The following NPC1L1 variants were observed in gnomAD, a reference collection of about 807,000 sequenced individuals.
NPC1L1 encodes the protein NPC1 like intracellular cholesterol transporter 1, also known as NPC1-like intracellular cholesterol transporter 1.
NPC1L1 carries 98 observed loss-of-function variants against 117.0 expected under a neutral mutation model. That is an observed-to-expected ratio of 0.84 (90% CI 0.71 to 0.99). The LOEUF (loss-of-function observed/expected upper bound fraction) is 0.99, where lower values mean the gene tolerates loss of function less well. Ranked by LOEUF, NPC1L1 falls within the 50% of genes least tolerant of loss-of-function variation. The pLI is 0.00. For missense variants in NPC1L1, 1,540 were observed against 1,710.0 expected (o/e 0.90, Z 1.75); for synonymous variants, 729 against 727.6 (o/e 1.00, Z -0.03).
chr7:44,520,196 C>T (rs1320475285), intron 14 of NPC1L1, among the ~76,000 whole-genome samples: 1 of 152,044 alleles, frequency 6.6e-6, no homozygotes, highest in Non-Finnish European at 1.5e-5. Flanking sequence ...AGGAGAATCG[C>T]TTGAACCCGG....
intron 8 of NPC1L1, 123 bp downstream of exon 8, chr7:44,533,308 C>T: frequency 3.4e-6 from 4 of 1,183,576 alleles, no homozygotes; most frequent in East Asian, 2.5e-5. Flanking sequence ...ACTCTCCTGG[C>T]ACAATGCCCC....
intron 12 of NPC1L1, 90 bp from the exon 13 acceptor site, chr7:44,521,208 G>A (rs1801343695): frequency 1.3e-6 from 2 of 1,571,842 alleles, no homozygotes; most frequent in Non-Finnish European, 1.7e-6. Context: ...CCCATCAAAG[G>A]TCCTGGGCAC....
At position 44,533,565 on chromosome 7, in the gene NPC1L1, G is replaced by A; in HGVS notation, c.2282-7C>T. The A allele has an allele frequency of 6.2e-7, 1 of 1,614,162 alleles. No individual in the cohort carries two copies. The highest frequency in any genetic ancestry group is 8.5e-7 in the Non-Finnish European group (1 of 1,180,024). On this transcript the variant is annotated splice_region_variant and splice_polypyrimidine_tract_variant and intron_variant, in intron 7 of 18. Transcript: ENST00000381160. Reference sequence around the variant, plus strand: ...GGCATGGGGGTCAGGGCCCCTGTGAGGGAGCAGAGGGCTGTCAGGGCACCC... The same window carrying A: ...GGCATGGGGGTCAGGGCCCCTGTGAAGGAGCAGAGGGCTGTCAGGGCACCC...
intron 6 of NPC1L1, 143 bp from the exon 7 acceptor site, chr7:44,533,996 T>C: frequency 1.4e-6 from 1 of 707,792 alleles, no homozygotes; most frequent in Non-Finnish European, 2.5e-6. Context: ...GAGACTCTCA[T>C]ACTCTCCATG....
In NPC1L1 at chr7:44,520,924, T is replaced by G; in HGVS notation, c.3080+68A>C. 3.7e-6 allele frequency: 6 copies of G among 1,613,662 alleles called. No homozygotes were observed. The South Asian group carries it at 6.6e-5, about 18-fold the overall frequency. The stretch of plus-strand genomic sequence containing the variant: ...GCCCCTGATAGCCTCCTCCTGCCTC[T>G]CTATATTCAACCCCATCCTGTGTCC... On this transcript the variant is annotated intron_variant, in intron 13 of 18. Transcript: ENST00000381160.
Position 44,520,812 on chromosome 7 carries a change from G to A in NPC1L1, c.3089C>T (p.Ala1030Val). The change falls in exon 14 of 19, where the codon GCA (alanine) becomes GTA (valine). Residue 1030 changes from alanine (A) to valine (V), a missense_variant. This residue lies in a region of NPC1L1 where 742 missense variants were observed against 873.6 expected (regional missense o/e 0.85). Coordinates refer to ENST00000381160, the MANE Select transcript of NPC1L1 (RefSeq NM_001101648.2). ...CAAGTTCACAGAGGTGCTGTATGCT[G>A]CCAGGCCGCTGCAAGAAGGTCAGGG... ...PNIKCPKGGL[A>V]AYSTSVNLTS... The A allele has an allele frequency of 6.2e-7, 1 of 1,614,092 alleles. No homozygotes were observed. Among genetic ancestry groups the A allele is most frequent in the Non-Finnish European group, 8.5e-7 (1 of 1,179,980 alleles).
chr7:44,521,026 G>A lies in NPC1L1; in HGVS notation c.3046C>T (p.Leu1016=). 6.2e-7 allele frequency: 1 copy of A among 1,614,144 alleles called. No individual in the cohort carries two copies. Among genetic ancestry groups the A allele is most frequent in the Non-Finnish European group, 8.5e-7 (1 of 1,180,038 alleles). Residue 1016 remains leucine (L), a synonymous_variant, in exon 13 of 19, where the codon CTG becomes TTG. Transcript: ENST00000381160. ...EQFHKYLPWF[L]NDRPNIKCPK... is the part of the protein sequence containing the mutation. The stretch of plus-strand genomic sequence containing the variant: ...CATTTGATGTTGGGCCGGTCGTTCA[G>A]GAACCAGGGAAGATACTTATGGAAC...
At chr7:44,517,156 C>T (rs748426241) in intron 15 of NPC1L1, 51 bp downstream of exon 15, 4 of 1,612,668 alleles carry the variant, frequency 2.5e-6, no homozygotes, top group Non-Finnish European at 3.4e-6. Flanking sequence ...AACCTCCAGT[C>T]TCCAGCAACC....
rs1014623284 is a variant in NPC1L1, at chr7:44,513,644, C to T, written c.3802G>A (p.Asp1268Asn). Residue 1268 changes from aspartate to asparagine, a missense_variant, in exon 19 of 19, where the codon GAC (aspartate) becomes AAC (asparagine). Physicochemically the swap from Asp to Asn is conservative, Grantham distance 23. Transcript: ENST00000381160. ...TCCAGTGCCAGAGCCGGGTTAACGT[C>T]AGGCCCTGCGGAGAGACAGAGAACC... Reference protein sequence around the residue: ...LPVILSYVGPDVNPALALEQK... With the variant: ...LPVILSYVGPNVNPALALEQK... The T allele has an allele frequency of 1.9e-6, 3 of 1,612,448 alleles. No homozygotes were observed. The highest frequency in any genetic ancestry group is 2.5e-6 in the Non-Finnish European group (3 of 1,180,022).
chr7:44,521,851 G>T lies in NPC1L1; in HGVS notation c.2829-15C>A. The T allele has an allele frequency of 6.2e-7, 1 of 1,614,014 alleles. No homozygotes were observed. The highest frequency in any genetic ancestry group is 8.5e-7 in the Non-Finnish European group (1 of 1,179,984). On this transcript the variant is annotated splice_polypyrimidine_tract_variant and intron_variant, in intron 11 of 18. Transcript: ENST00000381160. ...CCAGGTAAGACCTAAGGGGCAGGTG[G>T]GAGGAAGGGTGAAAAGGCCAGCTGG...
chr7:44,539,487 CCA>C lies in NPC1L1; in HGVS notation c.908_909del (p.Val303GlyfsTer24). On this transcript the variant is annotated frameshift_variant, in exon 2 of 19. Transcript: ENST00000381160. LOFTEE classifies it high-confidence loss of function. The surrounding 1 kb of genome is among the most constrained non-coding windows in gnomAD (Gnocchi z 4.4). ...SVFAVVTILL[V>X]GFRVAPARDK... The stretch of plus-strand genomic sequence containing the variant: ...TCCCTGGCGGGGGCCACACGGAATC[CCA>C]CAAGCAGGATGGTGACCACAGCGAA... 6.2e-7 allele frequency: 1 copy of C among 1,613,824 alleles called. No individual in the cohort carries two copies. Among genetic ancestry groups the C allele is most frequent in the Non-Finnish European group, 8.5e-7 (1 of 1,179,844 alleles).
chr7:44,522,646 A>T (rs1801397716), intron 10 of NPC1L1, among the ~76,000 whole-genome samples: 1 of 152,174 alleles, frequency 6.6e-6, no homozygotes, highest in Non-Finnish European at 1.5e-5. Flanking sequence ...ACACAGTTTT[A>T]GGTGTACCCC....
Position 44,538,284 on chromosome 7 carries a change from G to T in NPC1L1, c.1580+533C>A, listed in dbSNP as rs374978765. On this transcript the variant is annotated intron_variant, in intron 2 of 18. Transcript: ENST00000381160. This position sits in a 1 kb window ranked among gnomAD's most constrained non-coding sequence, Gnocchi z 5.9. Reference sequence around the variant, plus strand: ...ACCAGAGTGGACAGAACCAAAGACCGAACCCCAATCAATAGAAGTGTGTGT... The same window carrying T: ...ACCAGAGTGGACAGAACCAAAGACCTAACCCCAATCAATAGAAGTGTGTGT... 3.3e-5 allele frequency among the ~76,000 whole-genome samples: 5 copies of T among 152,186 alleles called. No homozygotes were observed. Among genetic ancestry groups the T allele is most frequent in the Non-Finnish European group, 7.4e-5 (5 of 68,026 alleles).
intron 16 of NPC1L1, 84 bp downstream of exon 16, chr7:44,516,619 A>G: frequency 1.7e-6 from 2 of 1,157,050 alleles, no homozygotes; most frequent in Non-Finnish European, 2.5e-6. Flanking sequence ...AAAAAGAAAC[A>G]AAAAAGAACT....
rs141358485 is a variant in NPC1L1, at chr7:44,539,743, G to T, written c.654C>A (p.Ile218=). The T allele has an allele frequency of 2.8e-5, 46 of 1,614,184 alleles. No homozygotes were observed. The highest frequency in any genetic ancestry group is 3.8e-5 in the Non-Finnish European group (45 of 1,180,050). ...DTGNGLAPLD[I]TFHLLEPGQA... is the part of the protein sequence containing the mutation. ...GGCCAGGCTCCAAGAGGTGGAAGGT[G>T]ATGTCCAGTGGGGCCAGACCATTGC... The change falls in exon 2 of 19, where the codon ATC becomes ATA. Residue 218 remains isoleucine, a synonymous_variant. Coordinates refer to ENST00000381160, the MANE Select transcript of NPC1L1 (RefSeq NM_001101648.2). This position sits in a 1 kb window ranked among gnomAD's most constrained non-coding sequence, Gnocchi z 4.4.
chr7:44,536,381 T>G lies in NPC1L1; in HGVS notation c.1729A>C (p.Asn577His). Residue 577 changes from asparagine to histidine, a missense_variant, in exon 4 of 19, where the codon AAC (asparagine) becomes CAC (histidine). By Grantham distance (68) the Asn-to-His change is moderately conservative. Around this residue, in one of 3 missense-constraint regions of NPC1L1, gnomAD observed 793 missense variants for 820.4 expected, o/e 0.97. Coordinates refer to ENST00000381160, the MANE Select transcript of NPC1L1 (RefSeq NM_001101648.2). The surrounding 1 kb of genome is among the most constrained non-coding windows in gnomAD (Gnocchi z 4.7). Reference protein sequence around the residue: ...AEALIMTFSLNNYPAGDPRLA... With the variant: ...AEALIMTFSLHNYPAGDPRLA... ...CGGGGGTCCCCGGCAGGGTAATTGT[T>G]GAGGGAGAACGTCATGATCAGGGCC... is the stretch of plus-strand genomic sequence containing the variant. 1 of 1,614,098 alleles carries G rather than the reference T, an allele frequency of 6.2e-7. No individual in the cohort carries two copies.
chr7:44,524,950 C>A (rs1211248379), intron 10 of NPC1L1, among the ~76,000 whole-genome samples: 2 of 151,812 alleles, frequency 1.3e-5, no homozygotes, highest in African/African-American at 4.8e-5. Context: ...GATTCAAAAG[C>A]AGTCAGAAGA....
intron 11 of NPC1L1, 72 bp downstream of exon 11, chr7:44,521,979 AG>A: frequency 6.3e-7 from 1 of 1,595,276 alleles, no homozygotes; most frequent in Non-Finnish European, 8.6e-7. Flanking sequence ...AACATCAGGA[AG>A]AGGGGACTGG....
Position 44,539,331 on chromosome 7 carries a change from A to C in NPC1L1, c.1066T>G (p.Leu356Val). The C allele has an allele frequency of 6.2e-7, 1 of 1,613,908 alleles. No individual in the cohort carries two copies. Among genetic ancestry groups the C allele is most frequent in the Non-Finnish European group, 8.5e-7 (1 of 1,179,836 alleles). The change falls in exon 2 of 19, where the codon TTG becomes GTG. Residue 356 changes from leucine (L) to valine (V), a missense_variant. By Grantham distance (32) the Leu-to-Val change is conservative (BLOSUM62 1). Around this residue, in one of 3 missense-constraint regions of NPC1L1, gnomAD observed 793 missense variants for 820.4 expected, o/e 0.97. Transcript: ENST00000381160. The surrounding 1 kb of genome is among the most constrained non-coding windows in gnomAD (Gnocchi z 4.4). ...TWVASWPLTI[L>V]VLSVIPVVAL... Reference sequence around the variant, plus strand: ...ACCACCGGGATGACAGATAGCACCAAGATGGTCAGAGGCCACGAAGCCACC... The same window carrying C: ...ACCACCGGGATGACAGATAGCACCACGATGGTCAGAGGCCACGAAGCCACC...
Sources: gnomAD v4.1 joint callset for allele counts (sites outside exome capture counted in the v4.1 genomes callset) on GRCh38, gnomAD v4.1.1 for gene constraint, gnomAD v4.1.1 regional missense constraint, Gnocchi (gnomAD v3.1) non-coding constraint, MANE v1.5 for transcripts, NCBI Gene and HGNC (gene_info 2026-07-23, HGNC 2026-07-21) for gene names.